Variants in AUTS2 observed in about 807,000 individuals in gnomAD.
AUTS2 encodes activator of transcription and developmental regulator AUTS2, also known as autism susceptibility gene 2 protein.
AUTS2 carries 17 observed loss-of-function variants against 112.4 expected under a neutral mutation model. The observed-to-expected ratio is 0.15, with a 90% confidence interval of 0.10 to 0.23. The LOEUF (loss-of-function observed/expected upper bound fraction) is 0.23. Ranked by LOEUF, AUTS2 falls within the 10% of genes least tolerant of loss-of-function variation. The pLI, the probability that AUTS2 is intolerant of heterozygous loss-of-function variation, is 1.00. For missense variants in AUTS2, 1,510 were observed against 1,701.6 expected (o/e 0.89, Z 1.98); for synonymous variants, 751 against 702.7 (o/e 1.07, Z -1.09).
chr7:69,642,895 AC>A (rs1277909134), intron 1 of AUTS2, among the ~76,000 whole-genome samples: 2 of 152,206 alleles, frequency 1.3e-5, no homozygotes, highest in Non-Finnish European at 2.9e-5. Context: ...TTAAAATAAT[AC>A]ACATTTATTA....
intron 5 of AUTS2, among the ~76,000 whole-genome samples, chr7:70,528,110 T>TTA (rs1563018213): frequency 2.7e-5 from 4 of 149,680 alleles, no homozygotes; most frequent in African/African-American, 9.8e-5. Context: ...TTTTTTTTTT[T>TTA]TTTTTTTTTA....
intron 4 of AUTS2, among the ~76,000 whole-genome samples, chr7:70,365,049 T>G (rs1792503631): frequency 6.6e-6 from 1 of 152,160 alleles, no homozygotes; most frequent in Admixed American, 6.6e-5. Flanking sequence ...TGGGAAAGCC[T>G]ATTAACAAAA....
intron 1 of AUTS2, among the ~76,000 whole-genome samples, chr7:69,807,768 A>C (rs140462068): frequency 7.2e-4 from 109 of 152,168 alleles, no homozygotes; most frequent in African/African-American, 2.5e-3. Flanking sequence ...TTGGTTTCTC[A>C]CCACATGGAC....
chr7:70,204,127 G>T (rs147379545), intron 4 of AUTS2, among the ~76,000 whole-genome samples: 4,330 of 152,116 alleles, frequency 0.028, 91 homozygotes, highest in Middle Eastern at 0.12. Context: ...ATGTAAGATA[G>T]TGGTACCCAG....
intron 4 of AUTS2, among the ~76,000 whole-genome samples, chr7:70,358,193 C>A (rs980702470): frequency 4.6e-5 from 7 of 152,174 alleles, no homozygotes; most frequent in Admixed American, 3.9e-4. Context: ...TCTTATCAGC[C>A]CTCACCCTGG....
chr7:69,958,691 G>A (rs746043497), intron 2 of AUTS2, among the ~76,000 whole-genome samples: 1 of 152,126 alleles, frequency 6.6e-6, no homozygotes. Context: ...ATTCTCAGAC[G>A]TTTTTCTGCA....
intron 1 of AUTS2, among the ~76,000 whole-genome samples, chr7:69,873,249 G>C (rs1584372010): frequency 6.6e-6 from 1 of 152,240 alleles, no homozygotes; most frequent in Admixed American, 6.5e-5. Context: ...AGATCTGTCT[G>C]GCTGTGGAAT....
chr7:70,209,933 TC>T (rs900490092), intron 4 of AUTS2, among the ~76,000 whole-genome samples: 9 of 151,186 alleles, frequency 6.0e-5, no homozygotes, highest in African/African-American at 2.2e-4. Flanking sequence ...CTTGTTGGAA[TC>T]CCCCCCTCCA....
At chr7:69,836,918 A>G (rs1414482990) in intron 1 of AUTS2, among the ~76,000 whole-genome samples, 2 of 152,178 alleles carry the variant, frequency 1.3e-5, no homozygotes, top group Non-Finnish European at 2.9e-5. Flanking sequence ...TAGACAAGAA[A>G]ACCCATAATT....
intron 4 of AUTS2, among the ~76,000 whole-genome samples, chr7:70,406,184 C>T (rs974071136): frequency 1.4e-4 from 22 of 152,196 alleles, no homozygotes; most frequent in Middle Eastern, 3.2e-3. Context: ...CCAGGCCTCC[C>T]TCTGCCTTTC....
At chr7:69,775,947 C>A (rs1321771579) in intron 1 of AUTS2, among the ~76,000 whole-genome samples, 2 of 152,166 alleles carry the variant, frequency 1.3e-5, no homozygotes, top group South Asian at 4.1e-4. Context: ...AGACCTCCCC[C>A]ACCCCACTTC....
At chr7:70,779,289 G>A (rs997196092) in intron 14 of AUTS2, among the ~76,000 whole-genome samples, 5 of 152,154 alleles carry the variant, frequency 3.3e-5, no homozygotes, top group African/African-American at 1.2e-4. Flanking sequence ...CCCTCTCTCT[G>A]TAACGTTCAT....
intron 5 of AUTS2, among the ~76,000 whole-genome samples, chr7:70,655,748 T>C (rs1806738959): frequency 6.6e-6 from 1 of 152,066 alleles, no homozygotes; most frequent in Non-Finnish European, 1.5e-5. Flanking sequence ...CACATCAGGG[T>C]TCTACTGGAA....
At chr7:70,139,054 C>G (rs1347961261) in intron 4 of AUTS2, among the ~76,000 whole-genome samples, 1 of 152,188 alleles carries the variant, frequency 6.6e-6, no homozygotes, top group Non-Finnish European at 1.5e-5. Context: ...CAGCCTCAGC[C>G]TTTCTGGGCT....
At chr7:70,695,970 G>A (rs1018304490) in intron 5 of AUTS2, among the ~76,000 whole-genome samples, 1 of 152,148 alleles carries the variant, frequency 6.6e-6, no homozygotes, top group Admixed American at 6.5e-5. Flanking sequence ...AGAGAAGGAA[G>A]AGCTCAATTC....
chr7:70,506,311 G>A (rs571097339), intron 5 of AUTS2, among the ~76,000 whole-genome samples: 44 of 152,362 alleles, frequency 2.9e-4, no homozygotes, highest in Admixed American at 4.6e-4. Context: ...AAGGACAGAC[G>A]TCTCTAGGTA....
chr7:70,496,088 ACAGT>A (rs1427907704), intron 5 of AUTS2, among the ~76,000 whole-genome samples: 22 of 137,766 alleles, frequency 1.6e-4, no homozygotes, highest in African/African-American at 4.7e-4. Flanking sequence ...CACCACATAC[ACAGT>A]CAGACACACA....
intron 5 of AUTS2, among the ~76,000 whole-genome samples, chr7:70,590,759 AAC>A (rs1802905765): frequency 1.3e-5 from 2 of 152,226 alleles, no homozygotes; most frequent in Non-Finnish European, 2.9e-5. Context: ...AACAAAACAT[AAC>A]AGATTTCCCA....
chr7:70,115,452 G>A (rs955621880), intron 2 of AUTS2, among the ~76,000 whole-genome samples: 3 of 152,188 alleles, frequency 2.0e-5, no homozygotes, highest in Non-Finnish European at 2.9e-5. Context: ...TGGGATTATA[G>A]GCATGAGCCA....
Sources: allele counts gnomAD v4.1 joint callset (sites outside exome capture counted in the v4.1 genomes callset), GRCh38; gene constraint gnomAD v4.1.1; transcripts MANE v1.5; gene names NCBI Gene and HGNC (gene_info 2026-07-23, HGNC 2026-07-21).